The following MACROD2 variants were observed in gnomAD, a reference collection of about 807,000 sequenced individuals.
MACROD2 encodes the protein ADP-ribose glycohydrolase MACROD2.
Under a neutral mutation model 70.4 loss-of-function variants are expected in MACROD2, and 36 were observed. That is an observed-to-expected ratio of 0.51 (90% CI 0.39 to 0.68). The LOEUF is 0.68. Among genes scored for constraint, MACROD2 ranks in the 30% least tolerant of loss-of-function variants. MACROD2 has a pLI of 0.00. For missense variants in MACROD2, 496 were observed against 538.4 expected, an observed-to-expected ratio of 0.92 and a Z score of 0.78; for synonymous variants, 172 against 178.8, an observed-to-expected ratio of 0.96 and a Z score of 0.30.
chr20:14,129,103 A>G (rs1469963496), intron 3 of MACROD2, among the ~76,000 whole-genome samples: 3 of 152,334 alleles, frequency 2.0e-5, no homozygotes, highest in African/African-American at 7.2e-5. Context: ...TATAATTGCC[A>G]TAGATAGTGT....
At chr20:15,116,075 T>C (rs575967474) in intron 5 of MACROD2, among the ~76,000 whole-genome samples, 8 of 152,234 alleles carry the variant, frequency 5.3e-5, no homozygotes, top group African/African-American at 1.2e-4. Flanking sequence ...CTTCTTGATA[T>C]ACAGACCTTC....
At chr20:15,806,334 T>C (rs2041424) in intron 8 of MACROD2, among the ~76,000 whole-genome samples, 1 of 152,094 alleles carries the variant, frequency 6.6e-6, no homozygotes, top group East Asian at 1.9e-4. Flanking sequence ...ATGAAGATAC[T>C]GAAATGTTCT....
chr20:14,684,290 G>T (rs1051197061), intron 4 of MACROD2, among the ~76,000 whole-genome samples: 2 of 152,184 alleles, frequency 1.3e-5, no homozygotes, highest in African/African-American at 4.8e-5. Flanking sequence ...GGGAGAAGTT[G>T]CTCAAAGGTT....
chr20:15,473,090 T>G (rs2046981160), intron 7 of MACROD2, among the ~76,000 whole-genome samples: 1 of 152,252 alleles, frequency 6.6e-6, no homozygotes, highest in Non-Finnish European at 1.5e-5. Context: ...TGACTCATCT[T>G]TATCACTTAC....
At chr20:14,296,802 G>A (rs1568542892) in intron 3 of MACROD2, among the ~76,000 whole-genome samples, 1 of 151,902 alleles carries the variant, frequency 6.6e-6, no homozygotes, top group Admixed American at 6.6e-5. Context: ...TAAAATAATT[G>A]ATAGTTTTAT....
intron 8 of MACROD2, among the ~76,000 whole-genome samples, chr20:15,575,515 C>G (rs1018149188): frequency 2.6e-5 from 4 of 152,042 alleles, no homozygotes; most frequent in African/African-American, 9.7e-5. Context: ...GCAGTGGAGG[C>G]AGAAAGGAGA....
intron 6 of MACROD2, among the ~76,000 whole-genome samples, chr20:15,350,243 A>T (rs2078213056): frequency 6.6e-6 from 1 of 152,140 alleles, no homozygotes; most frequent in Non-Finnish European, 1.5e-5. Context: ...GGCTGCAGTG[A>T]TCATAATGAT....
chr20:15,533,321 A>G (rs1378519321), intron 8 of MACROD2, among the ~76,000 whole-genome samples: 2 of 152,200 alleles, frequency 1.3e-5, no homozygotes, highest in East Asian at 3.8e-4. Context: ...TGCAGAAGGT[A>G]AAAAGAAATG....
chr20:14,751,107 TG>T (rs1257476747), intron 5 of MACROD2, among the ~76,000 whole-genome samples: 1 of 152,112 alleles, frequency 6.6e-6, no homozygotes, highest in Non-Finnish European at 1.5e-5. Flanking sequence ...TTCATACTGG[TG>T]GAAATAAGCA....
chr20:14,525,495 C>G (rs959846697), intron 4 of MACROD2, among the ~76,000 whole-genome samples: 1 of 152,154 alleles, frequency 6.6e-6, no homozygotes, highest in Non-Finnish European at 1.5e-5. Context: ...GAAAGTGAGG[C>G]ACAGTGAAGA....
At chr20:14,639,116 T>C (rs950701420) in intron 4 of MACROD2, among the ~76,000 whole-genome samples, 2 of 152,174 alleles carry the variant, frequency 1.3e-5, no homozygotes, top group Admixed American at 6.6e-5. Context: ...AACAGTGGTA[T>C]TCATAGTTTA....
intron 8 of MACROD2, among the ~76,000 whole-genome samples, chr20:15,764,722 T>A (rs2051494464): frequency 6.6e-6 from 1 of 152,166 alleles, no homozygotes; most frequent in Non-Finnish European, 1.5e-5. Context: ...TCTTTCCCCT[T>A]ATATTGGATT....
At chr20:14,449,976 G>A (rs1292754734) in intron 3 of MACROD2, among the ~76,000 whole-genome samples, 1 of 152,046 alleles carries the variant, frequency 6.6e-6, no homozygotes, top group African/African-American at 2.4e-5. Flanking sequence ...ACTAGGCATG[G>A]CTTAGAAGCC....
At chr20:15,044,290 C>G (rs2075376761) in intron 5 of MACROD2, among the ~76,000 whole-genome samples, 1 of 152,202 alleles carries the variant, frequency 6.6e-6, no homozygotes, top group South Asian at 2.1e-4. Flanking sequence ...TTACTCCTAT[C>G]ACTCAGGAGC....
chr20:14,391,062 GAT>G (rs2083521426), intron 3 of MACROD2, among the ~76,000 whole-genome samples: 1 of 152,164 alleles, frequency 6.6e-6, no homozygotes, highest in South Asian at 2.1e-4. Flanking sequence ...AAGACTGTGT[GAT>G]GATTTTTAAA....
intron 5 of MACROD2, among the ~76,000 whole-genome samples, chr20:14,838,952 G>A (rs2073059040): frequency 6.6e-6 from 1 of 152,078 alleles, no homozygotes; most frequent in South Asian, 2.1e-4. Flanking sequence ...AAATGTCTTT[G>A]TGGTCATGGT....
intron 6 of MACROD2, among the ~76,000 whole-genome samples, chr20:15,393,047 A>C (rs1234071927): frequency 6.6e-6 from 1 of 151,208 alleles, no homozygotes; most frequent in African/African-American, 2.4e-5. Flanking sequence ...GCACGCCTCC[A>C]CTCTCATTTC....
At chr20:14,942,363 T>A (rs1390082422) in intron 5 of MACROD2, among the ~76,000 whole-genome samples, 1 of 145,802 alleles carries the variant, frequency 6.9e-6, no homozygotes, top group Non-Finnish European at 1.5e-5. Flanking sequence ...TTCTTCCTGT[T>A]CTTTCTCCTT....
At chr20:14,821,193 T>A (rs1424625110) in intron 5 of MACROD2, among the ~76,000 whole-genome samples, 1 of 152,124 alleles carries the variant, frequency 6.6e-6, no homozygotes, top group Non-Finnish European at 1.5e-5. Context: ...CAAATTAAAA[T>A]AAAAATGATG....
Sources: allele counts gnomAD v4.1 joint callset (sites outside exome capture counted in the v4.1 genomes callset), GRCh38; gene constraint gnomAD v4.1.1; transcripts MANE v1.5; gene names NCBI Gene and HGNC (gene_info 2026-07-23, HGNC 2026-07-21).